DUSP8: variants seen among roughly 807,000 people sequenced by gnomAD.
DUSP8 encodes the protein dual specificity phosphatase 8, also known as dual specificity protein phosphatase 8.
In DUSP8, 15 loss-of-function variants were observed where a neutral mutation model predicts 38.7. The observed-to-expected ratio is 0.39, with a 90% CI of 0.26 to 0.60. The LOEUF (loss-of-function observed/expected upper bound fraction) is 0.60, where lower values mean the gene tolerates loss of function less well. DUSP8 is among the 20% of genes least tolerant of loss of function. The pLI is 0.56. For synonymous variants in DUSP8, 458 were observed against 433.9 expected (o/e 1.06, Z -0.69); for missense variants, 768 against 915.0 (o/e 0.84, Z 2.07).
intron 1 of DUSP8, among the ~76,000 whole-genome samples, chr11:1,566,639 G>A (rs1186686001): frequency 6.6e-6 from 1 of 152,194 alleles, no homozygotes; most frequent in Non-Finnish European, 1.5e-5. Flanking sequence ...GCCTGCTGGG[G>A]GTGAGTGCCC....
Position 1,558,779 on chromosome 11 carries a change from C to T in DUSP8, c.537+110G>A, listed in dbSNP as rs1206433002. 3 of 1,328,166 alleles carry T rather than the reference C, an allele frequency of 2.3e-6. No individual in the cohort carries two copies. The highest frequency in any genetic ancestry group is 2.1e-6 in the Non-Finnish European group (2 of 969,560). 82.3% of individuals were successfully genotyped at this position (1,328,166 alleles called of 1,614,324 possible). On this transcript the variant is annotated intron_variant, in intron 4 of 6. Coordinates refer to ENST00000397374, the MANE Select transcript of DUSP8 (RefSeq NM_004420.3). The surrounding 1 kb of genome is among the most constrained non-coding windows in gnomAD (Gnocchi z 6.3). ...ATGCTTCTCCCACACCCAGCTCATC[C>T]ACTGCCTTCAGCTCCTTTCCTCCCT...
In DUSP8 at chr11:1,565,627, G is replaced by A. The variant is rs915388848; in HGVS notation, c.200C>T (p.Ala67Val). Residue 67 changes from alanine to valine, a missense_variant, in exon 2 of 7, where the codon GCG becomes GTG. Coordinates refer to ENST00000397374, the MANE Select transcript of DUSP8 (RefSeq NM_004420.3). ...RRLQQGKVTI[A>V]ELIQPAARSQ... is the part of the protein sequence containing the mutation. The stretch of plus-strand genomic sequence containing the variant: ...GCGTGCAGCCGGCTGGATGAGCTCC[G>A]CAATGGTCACCTTGCCCTGCTGCAG... 12 of 1,609,994 alleles carry A rather than the reference G, an allele frequency of 7.5e-6. No homozygotes were observed. Among genetic ancestry groups the A allele is most frequent in the South Asian group, 3.3e-5 (3 of 91,022 alleles).
At chr11:1,567,371 G>A (rs374676503) in intron 1 of DUSP8, among the ~76,000 whole-genome samples, 7 of 152,226 alleles carry the variant, frequency 4.6e-5, no homozygotes, top group South Asian at 4.1e-4. Flanking sequence ...GGCCACCACC[G>A]TTTCTGGACT....
intron 2 of DUSP8, among the ~76,000 whole-genome samples, chr11:1,564,839 C>A (rs941121812): frequency 3.9e-5 from 6 of 152,224 alleles, no homozygotes; most frequent in Non-Finnish European, 8.8e-5. Context: ...CCACTTGAGT[C>A]CTCCCATGTC....
chr11:1,564,957 C>T (rs1267776540), intron 2 of DUSP8, among the ~76,000 whole-genome samples: 1 of 152,234 alleles, frequency 6.6e-6, no homozygotes, highest in Admixed American at 6.5e-5. Flanking sequence ...GGAGGTGCCG[C>T]CACCTTCACA....
At chr11:1,572,516 C>A (rs1848923787), upstream of DUSP8, among the ~76,000 whole-genome samples, 2 of 151,502 alleles carry the variant, frequency 1.3e-5, no homozygotes, top group Non-Finnish European at 2.9e-5. This position sits in a 1 kb window ranked among gnomAD's most constrained non-coding sequence, Gnocchi z 4.7. Context: ...AAAGGGACCA[C>A]GCGGCGTCCG....
Position 1,565,587 on chromosome 11 carries a change from G to A in DUSP8, c.231+9C>T, listed in dbSNP as rs1848788789. Reference sequence around the variant, plus strand: ...GTGATGCATGCCTGGTGGGCAGTGGGCTGGGTACCTGGCTGCGTGCAGCCG... The same window carrying A: ...GTGATGCATGCCTGGTGGGCAGTGGACTGGGTACCTGGCTGCGTGCAGCCG... On this transcript the variant is annotated intron_variant, in intron 2 of 6. Coordinates refer to ENST00000397374, the MANE Select transcript of DUSP8 (RefSeq NM_004420.3). 1.3e-6 allele frequency: 2 copies of A among 1,592,866 alleles called. No homozygotes were observed. The highest frequency in any genetic ancestry group is 1.7e-5 in the Admixed American group (1 of 59,310).
At chr11:1,566,078 C>T in intron 1 of DUSP8, 144 bp from the exon 2 acceptor site, 2 of 532,544 alleles carry the variant, frequency 3.8e-6, no homozygotes, top group Non-Finnish European at 6.7e-6. Flanking sequence ...TCTGGAGAGA[C>T]CCCGTCCAGG....
Position 1,557,165 on chromosome 11 carries a change from G to T in DUSP8, c.1231C>A (p.Pro411Thr). 1 of 1,446,690 alleles carries T rather than the reference G, an allele frequency of 6.9e-7. No individual in the cohort carries two copies. The allele number at this position is 1,446,690 out of a possible 1,614,324, so 89.6% of individuals were successfully genotyped here. ...AYAPSRRPDG[P>T]GPPDPGEAPK... is the part of the protein sequence containing the mutation. ...GCCTCGCCGGGGTCGGGGGGCCCGG[G>T]GCCGTCGGGCCGCCTGCTAGGGGCG... is the stretch of plus-strand genomic sequence containing the variant. Residue 411 changes from proline to threonine, a missense_variant, in exon 7 of 7, where the codon CCC (proline) becomes ACC (threonine). Around this residue, in one of 3 missense-constraint regions of DUSP8, gnomAD observed 474 missense variants for 430.8 expected, o/e 1.10. Coordinates refer to ENST00000397374, the MANE Select transcript of DUSP8 (RefSeq NM_004420.3). This position sits in a 1 kb window ranked among gnomAD's most constrained non-coding sequence, Gnocchi z 9.9.
chr11:1,568,005 C>T (rs1008914631), intron 1 of DUSP8, among the ~76,000 whole-genome samples: 2 of 152,160 alleles, frequency 1.3e-5, no homozygotes, highest in Non-Finnish European at 2.9e-5. Flanking sequence ...TCTGGTGAGA[C>T]AGCGGCTCCA....
At chr11:1,570,295 AG>A (rs1223178866) in intron 1 of DUSP8, among the ~76,000 whole-genome samples, 10 of 152,086 alleles carry the variant, frequency 6.6e-5, no homozygotes, top group African/African-American at 2.4e-4. Flanking sequence ...GGCGCTTCCA[AG>A]GTTCACTGCC....
chr11:1,572,499 G>C (rs1335780898), upstream of DUSP8, among the ~76,000 whole-genome samples: 1 of 151,146 alleles, frequency 6.6e-6, no homozygotes, highest in African/African-American at 2.4e-5. This position sits in a 1 kb window ranked among gnomAD's most constrained non-coding sequence, Gnocchi z 4.7. Context: ...CCCCGGGACC[G>C]GCTCTTAAAG....
At chr11:1,567,209 G>A (rs1460487194) in intron 1 of DUSP8, among the ~76,000 whole-genome samples, 1 of 152,176 alleles carries the variant, frequency 6.6e-6, no homozygotes, top group African/African-American at 2.4e-5. Context: ...CTGGGAGATA[G>A]ATGTACCCTG....
Position 1,559,002 on chromosome 11 carries a change from C to G in DUSP8, c.424G>C (p.Ala142Pro), listed in dbSNP as rs754542878. ...GAGAGGCTCATGGGTAGCAGGGCAG[C>G]AGGCTTGCCCTCGCAGAGGCCGGGG... Reference protein sequence around the residue: ...CFPGLCEGKPAALLPMSLSQP... With the variant: ...CFPGLCEGKPPALLPMSLSQP... The change falls in exon 4 of 7, where the codon GCT (alanine) becomes CCT (proline). Residue 142 changes from alanine (A) to proline (P), a missense_variant. This residue lies in a region of DUSP8 where 252 missense variants were observed against 410.4 expected (regional missense o/e 0.61). Coordinates refer to ENST00000397374, the MANE Select transcript of DUSP8 (RefSeq NM_004420.3). The G allele has an allele frequency of 1.2e-6, 2 of 1,610,696 alleles. No individual in the cohort carries two copies. The highest frequency in any genetic ancestry group is 1.3e-5 in the African/African-American group (1 of 74,692).
intron 1 of DUSP8, among the ~76,000 whole-genome samples, chr11:1,568,038 G>A (rs1232253371): frequency 6.6e-6 from 1 of 152,190 alleles, no homozygotes; most frequent in Non-Finnish European, 1.5e-5. Context: ...GATACCCAAG[G>A]GTCCAGCTCA....
At position 1,557,419 on chromosome 11, in the gene DUSP8, C is replaced by T; in HGVS notation, c.977G>A (p.Gly326Glu). 1 of 1,564,778 alleles carries T rather than the reference C, an allele frequency of 6.4e-7. No homozygotes were observed. Among genetic ancestry groups the T allele is most frequent in the Non-Finnish European group, 8.6e-7 (1 of 1,167,704 alleles). ...TPEPPPSPAA[G>E]APLPRLPPPT... is the part of the protein sequence containing the mutation. Reference sequence around the variant, plus strand: ...TGGTGGCAGCCGTGGCAGCGGGGCCCCGGCGGCAGGACTGGGCGGAGGCTC... The same window carrying T: ...TGGTGGCAGCCGTGGCAGCGGGGCCTCGGCGGCAGGACTGGGCGGAGGCTC... Residue 326 changes from glycine (G) to glutamate (E), a missense_variant, in exon 7 of 7, where the codon GGG becomes GAG. Gly to Glu is a moderately conservative substitution (Grantham distance 98). Transcript: ENST00000397374. The surrounding 1 kb of genome is among the most constrained non-coding windows in gnomAD (Gnocchi z 9.9).
In DUSP8 at chr11:1,557,755, C is replaced by G; in HGVS notation, c.821+39G>C. The G allele has an allele frequency of 6.2e-7, 1 of 1,610,804 alleles. No individual in the cohort carries two copies. The highest frequency in any genetic ancestry group is 1.1e-5 in the South Asian group (1 of 90,916). Reference sequence around the variant, plus strand: ...TGGGCAGCCGGGGGAAGGGAAGCGACGCTGTGAGCCACAAGTGCGCGACTG... The same window carrying G: ...TGGGCAGCCGGGGGAAGGGAAGCGAGGCTGTGAGCCACAAGTGCGCGACTG... On this transcript the variant is annotated intron_variant, in intron 6 of 6. Coordinates refer to ENST00000397374, the MANE Select transcript of DUSP8 (RefSeq NM_004420.3). This position sits in a 1 kb window ranked among gnomAD's most constrained non-coding sequence, Gnocchi z 9.9.
intron 1 of DUSP8, among the ~76,000 whole-genome samples, 157 bp downstream of exon 1, chr11:1,571,744 G>C (rs1848902064): frequency 6.6e-6 from 1 of 151,292 alleles, no homozygotes; most frequent in Non-Finnish European, 1.5e-5. Flanking sequence ...CGTCCTGGAC[G>C]GCCGTGGCCG....
In DUSP8 at chr11:1,556,940, G is replaced by A; in HGVS notation, c.1456C>T (p.His486Tyr). Reference protein sequence around the residue: ...FGDAARQTPRHGLSALSAPGL... With the variant: ...FGDAARQTPRYGLSALSAPGL... ...GGCGCCGACAGGGCCGAGAGGCCGT[G>A]CCGCGGAGTCTGCCGGGCCGCATCG... Residue 486 changes from histidine (H) to tyrosine (Y), a missense_variant, in exon 7 of 7, where the codon CAC becomes TAC. Around this residue, in one of 3 missense-constraint regions of DUSP8, gnomAD observed 474 missense variants for 430.8 expected, o/e 1.10. Transcript: ENST00000397374. This position sits in a 1 kb window ranked among gnomAD's most constrained non-coding sequence, Gnocchi z 5.2. 1 of 1,077,260 alleles carries A rather than the reference G, an allele frequency of 9.3e-7. No homozygotes were observed. Among genetic ancestry groups the A allele is most frequent in the Non-Finnish European group, 1.1e-6 (1 of 890,372 alleles). 66.7% of individuals were successfully genotyped at this position (1,077,260 alleles called of 1,614,324 possible). A position where few individuals can be genotyped will look rare whatever the true frequency, so the allele number is the denominator to read the frequency against.
Sources: gnomAD v4.1 joint callset for allele counts (sites outside exome capture counted in the v4.1 genomes callset) on GRCh38, gnomAD v4.1.1 for gene constraint, gnomAD v4.1.1 regional missense constraint, Gnocchi (gnomAD v3.1) non-coding constraint, MANE v1.5 for transcripts, NCBI Gene and HGNC (gene_info 2026-07-23, HGNC 2026-07-21) for gene names.